CNTNAP2: variants seen among roughly 807,000 people sequenced by gnomAD.
CNTNAP2 encodes the protein contactin-associated protein-like 2.
A neutral mutation model predicts 155.2 loss-of-function variants in CNTNAP2; 98 were observed. The observed-to-expected ratio is 0.63, with a 90% confidence interval of 0.54 to 0.75. CNTNAP2 has a LOEUF of 0.75. CNTNAP2 is among the 30% of genes least tolerant of loss of function. The pLI is 0.00. For synonymous variants in CNTNAP2, 651 were observed against 631.2 expected (o/e 1.03, Z -0.47); for missense variants, 1,727 against 1,688.1 (o/e 1.02, Z -0.40).
Position 147,482,030 on chromosome 7 carries a change from G to A in CNTNAP2, c.1671-3905G>A, listed in dbSNP as rs143682949. On this transcript the variant is annotated intron_variant, in intron 10 of 23. Transcript: ENST00000361727. ...TGTTTCTTGGTGGTGTAACATTCTA[G>A]CATTGCATTCATCCATTCTTTCAGT... Among the ~76,000 whole-genome samples, 469 of 152,136 alleles carry A rather than the reference G, an allele frequency of 3.1e-3. 3 individuals are homozygous for A. The highest frequency in any genetic ancestry group is 0.011 in the African/African-American group (442 of 41,504).
At chr7:146,172,802 G>A (rs1221242167) in intron 1 of CNTNAP2, among the ~76,000 whole-genome samples, 4 of 152,026 alleles carry the variant, frequency 2.6e-5, no homozygotes, top group Admixed American at 1.3e-4. Context: ...GTTTTTCAAC[G>A]CATTTTGTTT....
At chr7:147,657,768 C>T (rs1262460698) in intron 13 of CNTNAP2, among the ~76,000 whole-genome samples, 3 of 152,170 alleles carry the variant, frequency 2.0e-5, no homozygotes, top group African/African-American at 4.8e-5. Flanking sequence ...TTAATGAAGA[C>T]ATTGGCCTTC....
intron 3 of CNTNAP2, among the ~76,000 whole-genome samples, chr7:146,878,087 C>G (rs954853629): frequency 1.3e-5 from 2 of 152,024 alleles, no homozygotes; most frequent in Non-Finnish European, 2.9e-5. Context: ...ATTCATGGGC[C>G]AACGTCCCCT....
chr7:146,562,623 T>A (rs2129144573), intron 1 of CNTNAP2, among the ~76,000 whole-genome samples: 1 of 152,258 alleles, frequency 6.6e-6, no homozygotes, highest in Non-Finnish European at 1.5e-5. Flanking sequence ...TGATTTAAAA[T>A]TAATTAAATT....
intron 1 of CNTNAP2, among the ~76,000 whole-genome samples, chr7:146,426,536 A>T (rs1639431): frequency 0.42 from 63,319 of 149,860 alleles, 16,315 homozygotes; most frequent in African/African-American, 0.72. Flanking sequence ...AAAACATTTT[A>T]AAAAATTTAA....
chr7:147,120,641 T>C (rs1459509866), intron 5 of CNTNAP2, among the ~76,000 whole-genome samples: 3 of 152,084 alleles, frequency 2.0e-5, no homozygotes, highest in East Asian at 1.9e-4. Flanking sequence ...TTTCATTTAT[T>C]ATTATTATAC....
intron 1 of CNTNAP2, among the ~76,000 whole-genome samples, chr7:146,413,028 G>T (rs973688120): frequency 5.9e-5 from 9 of 152,114 alleles, no homozygotes; most frequent in African/African-American, 2.2e-4. Flanking sequence ...CGGTGAATCA[G>T]GCTATTACAG....
chr7:146,716,110 A>G lies in CNTNAP2; in HGVS notation c.98-58161A>G, dbSNP rs1383526576. Among the ~76,000 whole-genome samples, 5 of 151,984 alleles carry G rather than the reference A, an allele frequency of 3.3e-5. No individual in the cohort carries two copies. In the East Asian group the frequency reaches 9.7e-4, roughly 30 times the overall value. The stretch of plus-strand genomic sequence containing the variant: ...GGGTTTTTGGCACATGGGACTGGAT[A>G]CCTGAAGTATGGAACTCATTCCTAA... On this transcript the variant is annotated intron_variant, in intron 1 of 23. Coordinates refer to ENST00000361727, the MANE Select transcript of CNTNAP2 (RefSeq NM_014141.6).
rs146607143 is a variant in CNTNAP2 at position 146,545,827 on chromosome 7, G to A, written c.98-228444G>A. Among the ~76,000 whole-genome samples the A allele has an allele frequency of 9.9e-5, 15 of 151,944 alleles. No homozygotes were observed. The East Asian group carries it at 2.3e-3, about 24-fold the overall frequency. On this transcript the variant is annotated intron_variant, in intron 1 of 23. Coordinates refer to ENST00000361727, the MANE Select transcript of CNTNAP2 (RefSeq NM_014141.6). ...CATTTGACCCAGCAATCCCATTACT[G>A]GGTATATACCCAAAGGATTATAAAT...
At chr7:147,949,458 A>AT (rs199529235) in intron 14 of CNTNAP2, among the ~76,000 whole-genome samples, 339 of 137,402 alleles carry the variant, frequency 2.5e-3, no homozygotes, top group East Asian at 5.5e-3. Flanking sequence ...ATATATATAT[A>AT]TTTTTTTTTT....
chr7:148,087,652 G>A (rs1296298889), intron 15 of CNTNAP2, among the ~76,000 whole-genome samples: 1 of 151,948 alleles, frequency 6.6e-6, no homozygotes, highest in African/African-American at 2.4e-5. Context: ...TTGTTTTCTA[G>A]CAATAACAAG....
intron 16 of CNTNAP2, among the ~76,000 whole-genome samples, chr7:148,122,582 C>T (rs1024790890): frequency 6.6e-6 from 1 of 152,066 alleles, no homozygotes; most frequent in Non-Finnish European, 1.5e-5. Flanking sequence ...AGATGAGCAC[C>T]CAATGCACTC....
At chr7:147,199,258 G>A (rs528259233) in intron 8 of CNTNAP2, among the ~76,000 whole-genome samples, 6 of 152,062 alleles carry the variant, frequency 3.9e-5, no homozygotes, top group Admixed American at 2.6e-4. Flanking sequence ...CACCGCGCCC[G>A]GCCCTAATCA....
At chr7:147,067,121 T>A (rs1799795322) in intron 4 of CNTNAP2, among the ~76,000 whole-genome samples, 1 of 151,950 alleles carries the variant, frequency 6.6e-6, no homozygotes, top group Non-Finnish European at 1.5e-5. Context: ...TGAAACCCCA[T>A]CTCTACTAAA....
intron 1 of CNTNAP2, among the ~76,000 whole-genome samples, chr7:146,207,495 T>C (rs760987051): frequency 9.9e-5 from 15 of 152,006 alleles, no homozygotes; most frequent in African/African-American, 1.2e-4. Context: ...ACAAATAACA[T>C]ACTACATTCC....
intron 13 of CNTNAP2, among the ~76,000 whole-genome samples, chr7:147,661,773 G>C (rs557054401): frequency 1.3e-5 from 2 of 152,086 alleles, no homozygotes; most frequent in South Asian, 4.2e-4. Context: ...GGCTGTTCTT[G>C]AACTCCTGAC....
chr7:147,638,771 C>A (rs1321726902), intron 12 of CNTNAP2: 1 of 430,706 alleles, frequency 2.3e-6, no homozygotes, highest in Non-Finnish European at 4.5e-6. Context: ...ACAAAGTCAG[C>A]AAGAAGTTGG....
At chr7:147,141,670 A>G (rs926063099) in intron 8 of CNTNAP2, among the ~76,000 whole-genome samples, 8 of 152,032 alleles carry the variant, frequency 5.3e-5, no homozygotes, top group Non-Finnish European at 8.8e-5. Flanking sequence ...CTTGGCCACT[A>G]CCTCTCATAT....
At chr7:148,147,825 G>A in intron 17 of CNTNAP2, 116 bp downstream of exon 17, 1 of 1,063,548 alleles carries the variant, frequency 9.4e-7, no homozygotes. Flanking sequence ...CCTTCCAAAA[G>A]TAAAGGTGTT....
Sources: allele counts gnomAD v4.1 joint callset (sites outside exome capture counted in the v4.1 genomes callset), GRCh38; gene constraint gnomAD v4.1.1; transcripts MANE v1.5; gene names NCBI Gene and HGNC (gene_info 2026-07-23, HGNC 2026-07-21).